The following LRBA variants were observed in gnomAD, a reference collection of about 807,000 sequenced individuals.
LRBA encodes the protein LPS responsive beige-like anchor protein, also known as lipopolysaccharide-responsive and beige-like anchor protein.
LRBA carries 176 observed loss-of-function variants against 330.0 expected under a neutral mutation model. That is an observed-to-expected ratio of 0.53 (90% CI 0.47 to 0.60). LRBA has a LOEUF of 0.60. Ranked by LOEUF, LRBA falls within the 20% of genes least tolerant of loss-of-function variation. The pLI is 0.00. For synonymous variants in LRBA, 1,230 were observed against 1,193.0 expected (o/e 1.03, Z -0.64); for missense variants, 3,259 against 3,444.8 (o/e 0.95, Z 1.35).
intron 2 of LRBA, among the ~76,000 whole-genome samples, chr4:150,944,111 A>G (rs1735981291): frequency 6.6e-6 from 1 of 152,194 alleles, no homozygotes; most frequent in Admixed American, 6.5e-5. Flanking sequence ...CAACCTCGTG[A>G]CAGACCCTGA....
intron 37 of LRBA, among the ~76,000 whole-genome samples, chr4:150,602,201 T>C (rs1774191248): frequency 6.6e-6 from 1 of 152,180 alleles, no homozygotes; most frequent in African/African-American, 2.4e-5. Context: ...GAAAGAATTA[T>C]AAAAATCATT....
intron 39 of LRBA, among the ~76,000 whole-genome samples, chr4:150,590,474 A>G: frequency 6.6e-6 from 1 of 152,136 alleles, no homozygotes; most frequent in African/African-American, 2.4e-5. Context: ...CTGCTTTTAA[A>G]CTTTTTCTTT....
intron 31 of LRBA, among the ~76,000 whole-genome samples, chr4:150,814,344 G>A (rs1744234036): frequency 2.0e-5 from 3 of 152,034 alleles, no homozygotes; most frequent in Admixed American, 2.0e-4. Context: ...ACAAGGGCAA[G>A]TATAGTAGGC....
chr4:150,412,834 G>C (rs191736963), intron 47 of LRBA, among the ~76,000 whole-genome samples: 1 of 151,004 alleles, frequency 6.6e-6, no homozygotes, highest in Non-Finnish European at 1.5e-5. Context: ...AGGATATTTT[G>C]TATCTTTTAT....
chr4:150,602,775 C>T (rs925786973), intron 37 of LRBA, among the ~76,000 whole-genome samples: 8 of 152,254 alleles, frequency 5.3e-5, no homozygotes, highest in Non-Finnish European at 1.0e-4. Context: ...TGATCCAACC[C>T]TCTTCCCAAA....
At position 150,928,581 on chromosome 4, in the gene LRBA, A is replaced by G; in HGVS notation, c.484T>C (p.Tyr162His). The G allele has an allele frequency of 1.2e-6, 2 of 1,613,926 alleles. No homozygotes were observed. Among genetic ancestry groups the G allele is most frequent in the Non-Finnish European group, 1.7e-6 (2 of 1,179,862 alleles). Residue 162 changes from tyrosine (Y) to histidine (H), a missense_variant, in exon 4 of 57, where the codon TAT becomes CAT. Coordinates refer to ENST00000651943, the MANE Select transcript of LRBA (RefSeq NM_001364905.1). Reference protein sequence around the residue: ...LVDMLGVLASYNLTVRELKLF... With the variant: ...LVDMLGVLASHNLTVRELKLF... The stretch of plus-strand genomic sequence containing the variant: ...TTTAGCTCGCGAACTGTCAAATTAT[A>G]GCTAGCCAGCACTCCCAACATGTCA...
At chr4:151,013,723 T>C (rs1187616567) in intron 2 of LRBA, 2 of 140,316 alleles carry the variant, frequency 1.4e-5, no homozygotes, top group Non-Finnish European at 3.0e-5. Context: ...AAAAAAGCAT[T>C]CATAGCTCAT....
intron 48 of LRBA, among the ~76,000 whole-genome samples, chr4:150,338,143 AAACC>A (rs1734990222): frequency 6.6e-6 from 1 of 152,166 alleles, no homozygotes; most frequent in South Asian, 2.1e-4. Flanking sequence ...GGAAGAGGGA[AAACC>A]AACCACTGAC....
At chr4:150,587,388 G>A (rs1003036288) in intron 40 of LRBA, among the ~76,000 whole-genome samples, 1 of 152,108 alleles carries the variant, frequency 6.6e-6, no homozygotes, top group African/African-American at 2.4e-5. Flanking sequence ...TCCTCTCAGA[G>A]CAAATTATAC....
At chr4:150,444,093 C>T (rs1474395751) in intron 44 of LRBA, among the ~76,000 whole-genome samples, 2 of 151,178 alleles carry the variant, frequency 1.3e-5, no homozygotes, top group Admixed American at 6.6e-5. Context: ...GCATCAAAAC[C>T]GAATTTTTTT....
chr4:150,944,249 C>A (rs1251932573), intron 2 of LRBA, among the ~76,000 whole-genome samples: 1 of 152,192 alleles, frequency 6.6e-6, no homozygotes, highest in African/African-American at 2.4e-5. Flanking sequence ...ATAACTAGTA[C>A]AGTTACAAAT....
intron 40 of LRBA, among the ~76,000 whole-genome samples, chr4:150,523,571 A>C (rs1763149624): frequency 6.6e-6 from 1 of 152,114 alleles, no homozygotes; most frequent in Non-Finnish European, 1.5e-5. Context: ...GGCAGGTGAG[A>C]AATGCTCTAG....
At chr4:150,370,516 T>C (rs1740110620) in intron 47 of LRBA, among the ~76,000 whole-genome samples, 1 of 152,168 alleles carries the variant, frequency 6.6e-6, no homozygotes, top group Non-Finnish European at 1.5e-5. Context: ...AGATCAGTGG[T>C]TGCCAGGAGT....
At chr4:150,523,070 G>A (rs1302534497) in intron 40 of LRBA, among the ~76,000 whole-genome samples, 1 of 152,216 alleles carries the variant, frequency 6.6e-6, no homozygotes, top group Non-Finnish European at 1.5e-5. Context: ...ACAACTTTCA[G>A]TCTCACTCAG....
intron 2 of LRBA, among the ~76,000 whole-genome samples, chr4:150,985,910 C>T (rs998767244): frequency 2.0e-5 from 3 of 152,116 alleles, no homozygotes; most frequent in South Asian, 2.1e-4. Flanking sequence ...TCCTACTACT[C>T]TAATTTTAAA....
chr4:150,333,755 T>C (rs536045966), intron 48 of LRBA, among the ~76,000 whole-genome samples: 1 of 152,302 alleles, frequency 6.6e-6, no homozygotes, highest in South Asian at 2.1e-4. Context: ...GGTTCAACTT[T>C]AGCTTCGATA....
chr4:150,408,694 G>T (rs1746536898), intron 47 of LRBA, among the ~76,000 whole-genome samples: 1 of 152,008 alleles, frequency 6.6e-6, no homozygotes, highest in Non-Finnish European at 1.5e-5. Context: ...CATATCAAAA[G>T]AACTTAAAAC....
intron 5 of LRBA, among the ~76,000 whole-genome samples, chr4:150,917,482 C>T (rs1273099493): frequency 6.6e-6 from 1 of 152,074 alleles, no homozygotes; most frequent in Non-Finnish European, 1.5e-5. Flanking sequence ...TTTTATAAAA[C>T]TACAAATATA....
chr4:150,613,918 C>A (rs1038457141), intron 37 of LRBA, among the ~76,000 whole-genome samples: 7 of 152,178 alleles, frequency 4.6e-5, no homozygotes, highest in Admixed American at 4.6e-4. Flanking sequence ...GACAGTATTC[C>A]CTACTCTGAT....
Sources: allele counts gnomAD v4.1 joint callset (sites outside exome capture counted in the v4.1 genomes callset), GRCh38; gene constraint gnomAD v4.1.1; transcripts MANE v1.5; gene names NCBI Gene and HGNC (gene_info 2026-07-23, HGNC 2026-07-21).